ZNF717: variants seen among roughly 807,000 people sequenced by gnomAD.
ZNF717 encodes krueppel-like factor X17.
ZNF717 carries 9 observed loss-of-function variants against 13.8 expected under a neutral mutation model. The observed-to-expected ratio is 0.65, with a 90% CI of 0.39 to 1.14. ZNF717 has a LOEUF of 1.14. ZNF717 is among the 50% of genes most tolerant of loss of function. The pLI is 0.01. For synonymous variants in ZNF717, 327 were observed against 364.1 expected (o/e 0.90, Z 1.16); for missense variants, 1,040 against 1,080.7 (o/e 0.96, Z 0.53).
downstream of ZNF717, among the ~76,000 whole-genome samples, chr3:75,733,242 A>T (rs1234781847): frequency 6.6e-6 from 1 of 152,204 alleles, no homozygotes; most frequent in Non-Finnish European, 1.5e-5. Flanking sequence ...ACATAGAGTG[A>T]TGAGAATACT....
chr3:75,737,487 G>A lies in ZNF717; in HGVS notation c.2136C>T (p.Phe712=), dbSNP rs1169341180. ...PMNVMNVENP[F]IRRQIFRSIK... Reference sequence around the variant, plus strand: ...TGCTTCTGAAGATTTGCCTTCTGATGAAAGGATTTTCCACATTCATTACAT... The same window carrying A: ...TGCTTCTGAAGATTTGCCTTCTGATAAAAGGATTTTCCACATTCATTACAT... Residue 712 remains phenylalanine (F), a synonymous_variant, in exon 5 of 5, where the codon TTC becomes TTT. Coordinates refer to ENST00000652011, the MANE Select transcript of ZNF717 (RefSeq NM_001290208.3). 3.9e-6 allele frequency: 6 copies of A among 1,554,508 alleles called. No individual in the cohort carries two copies. Among genetic ancestry groups the A allele is most frequent in the Non-Finnish European group, 1.7e-6 (2 of 1,148,790 alleles).
At chr3:75,749,135 C>T (rs1941446340) in intron 2 of ZNF717, among the ~76,000 whole-genome samples, 2 of 151,958 alleles carry the variant, frequency 1.3e-5, no homozygotes, top group African/African-American at 2.4e-5. Flanking sequence ...GATTCCAAAA[C>T]ACTGCTACGA....
At chr3:75,734,809 ATATATATATTTTTT>A (rs1299279867), downstream of ZNF717, among the ~76,000 whole-genome samples, 12 of 17,428 alleles carry the variant, frequency 6.9e-4, no homozygotes, top group African/African-American at 2.2e-3. Context: ...ATATATATAT[ATATATATATTTTTT>A]TTTTTTTTTT....
At chr3:75,714,113 T>C (rs1382542248) in intron 5 of ZNF717, among the ~76,000 whole-genome samples, 13 of 152,104 alleles carry the variant, frequency 8.5e-5, no homozygotes, top group African/African-American at 3.1e-4. Flanking sequence ...GCATGACCAC[T>C]GAAGCACAGT....
intron 5 of ZNF717, among the ~76,000 whole-genome samples, chr3:75,730,776 G>C (rs1222437705): frequency 6.6e-6 from 1 of 152,148 alleles, no homozygotes; most frequent in Non-Finnish European, 1.5e-5. Flanking sequence ...AAACCAAGAA[G>C]GAACTTTCTG....
intron 2 of ZNF717, among the ~76,000 whole-genome samples, chr3:75,776,473 T>C (rs910928131): frequency 6.6e-6 from 1 of 152,258 alleles, no homozygotes; most frequent in Non-Finnish European, 1.5e-5. Context: ...AAACAGTAGA[T>C]TATTATGCTG....
At chr3:75,746,344 G>A (rs1208513387) in intron 2 of ZNF717, among the ~76,000 whole-genome samples, 12 of 152,114 alleles carry the variant, frequency 7.9e-5, no homozygotes, top group African/African-American at 2.4e-4. Flanking sequence ...ATAAACTTAC[G>A]TGTGTATGTG....
At chr3:75,765,942 C>T (rs981694130) in intron 2 of ZNF717, among the ~76,000 whole-genome samples, 4 of 152,026 alleles carry the variant, frequency 2.6e-5, no homozygotes, top group Non-Finnish European at 4.4e-5. Context: ...AACCCTATCT[C>T]TACAAAAAAT....
chr3:75,764,391 A>G (rs542924909), intron 2 of ZNF717, among the ~76,000 whole-genome samples: 15 of 152,332 alleles, frequency 9.8e-5, no homozygotes, highest in Middle Eastern at 3.4e-3. Context: ...AGAGACAATT[A>G]GAACCTGGAC....
exon 6 of ZNF717, chr3:75,730,357 A>AAG (rs1938454745): frequency 2.8e-6 from 1 of 359,968 alleles, no homozygotes. Flanking sequence ...AATAGTTAAA[A>AAG]AAAAAAAAAG....
downstream of ZNF717, among the ~76,000 whole-genome samples, chr3:75,725,796 TC>T (rs1208627862): frequency 6.6e-6 from 1 of 151,812 alleles, no homozygotes; most frequent in African/African-American, 2.4e-5. Context: ...TTCAATTACC[TC>T]CCCCCAGGTT....
intron 4 of ZNF717, among the ~76,000 whole-genome samples, chr3:75,720,096 A>G (rs1467142188): frequency 6.6e-6 from 1 of 152,068 alleles, no homozygotes; most frequent in African/African-American, 2.4e-5. Context: ...CGGTTTGAAG[A>G]TTTCTCAAAA....
intron 5 of ZNF717, among the ~76,000 whole-genome samples, chr3:75,715,967 T>C (rs1348107316): frequency 5.7e-5 from 7 of 122,392 alleles, no homozygotes; most frequent in Non-Finnish European, 1.0e-4. Context: ...TTTTTTTTGG[T>C]TTGTTTTTTT....
At chr3:75,717,737 C>T (rs1192696962) in intron 4 of ZNF717, among the ~76,000 whole-genome samples, 4 of 152,200 alleles carry the variant, frequency 2.6e-5, no homozygotes, top group Non-Finnish European at 5.9e-5. Flanking sequence ...AGCGTCAGTG[C>T]AGCTCTCCTT....
chr3:75,715,156 G>C (rs902237730), intron 5 of ZNF717, among the ~76,000 whole-genome samples: 3 of 152,158 alleles, frequency 2.0e-5, no homozygotes, highest in Non-Finnish European at 4.4e-5. Context: ...ATGGCAGTTT[G>C]ACTTTTTAAG....
At chr3:75,731,341 C>T (rs76566886), downstream of ZNF717, among the ~76,000 whole-genome samples, 1 of 152,168 alleles carries the variant, frequency 6.6e-6, no homozygotes, top group African/African-American at 2.4e-5. Flanking sequence ...CATGCCACTG[C>T]ACTACAGCCT....
At chr3:75,762,159 C>A (rs555604930) in intron 2 of ZNF717, among the ~76,000 whole-genome samples, 1 of 152,252 alleles carries the variant, frequency 6.6e-6, no homozygotes, top group African/African-American at 2.4e-5. Flanking sequence ...TGACATTTGG[C>A]CAGGTGTGGT....
At chr3:75,709,352 T>C (rs1325464827), downstream of ZNF717, among the ~76,000 whole-genome samples, 4 of 152,050 alleles carry the variant, frequency 2.6e-5, no homozygotes, top group African/African-American at 9.7e-5. Flanking sequence ...TGAGAACTTA[T>C]CACCAAGGGG....
chr3:75,778,175 C>CA (rs1944484539), intron 2 of ZNF717, among the ~76,000 whole-genome samples: 1 of 151,612 alleles, frequency 6.6e-6, no homozygotes, highest in Non-Finnish European at 1.5e-5. Context: ...GAGTGACCTG[C>CA]TAAACTAGAA....
Sources: allele counts gnomAD v4.1 joint callset (sites outside exome capture counted in the v4.1 genomes callset), GRCh38; gene constraint gnomAD v4.1.1; transcripts MANE v1.5; gene names NCBI Gene and HGNC (gene_info 2026-07-23, HGNC 2026-07-21).